Variants in ARMC8 observed in about 807,000 individuals in gnomAD.
ARMC8 encodes armadillo repeat-containing protein 8.
Under a neutral mutation model 99.3 loss-of-function variants are expected in ARMC8, and 20 were observed. That is an observed-to-expected ratio of 0.20 (90% CI 0.14 to 0.29). The LOEUF is 0.29. ARMC8 is among the 10% of genes least tolerant of loss of function. ARMC8 has a pLI of 1.00. For missense variants in ARMC8, 569 were observed against 809.5 expected (o/e 0.70, Z 3.60); for synonymous variants, 263 against 278.3 (o/e 0.95, Z 0.55).
chr3:138,220,146 G>A (rs2045312801), intron 2 of ARMC8, among the ~76,000 whole-genome samples: 1 of 152,162 alleles, frequency 6.6e-6, no homozygotes, highest in Non-Finnish European at 1.5e-5. Context: ...AAGCTGGTAG[G>A]TTAAGGTCCA....
At chr3:138,188,499 C>G (rs910507289) in intron 1 of ARMC8, 2 of 1,613,542 alleles carry the variant, frequency 1.2e-6, no homozygotes, top group Admixed American at 1.7e-5. Context: ...AAGGATTTTG[C>G]AACAAATTCG....
At chr3:138,264,568 C>T (rs952995643) in intron 14 of ARMC8, among the ~76,000 whole-genome samples, 1 of 151,580 alleles carries the variant, frequency 6.6e-6, no homozygotes, top group African/African-American at 2.4e-5. Context: ...TACAGGTGCG[C>T]ACCACCACGC....
intron 1 of ARMC8, among the ~76,000 whole-genome samples, chr3:138,199,612 A>G (rs1304583626): frequency 1.3e-5 from 2 of 152,234 alleles, no homozygotes; most frequent in Non-Finnish European, 2.9e-5. Flanking sequence ...TTCAGGCAGC[A>G]GTTAGGCAGT....
At chr3:138,213,080 G>A (rs774021419) in intron 2 of ARMC8, among the ~76,000 whole-genome samples, 2 of 152,190 alleles carry the variant, frequency 1.3e-5, no homozygotes, top group Non-Finnish European at 2.9e-5. Flanking sequence ...TCCTGCCTGG[G>A]CAACACAGTG....
intron 14 of ARMC8, among the ~76,000 whole-genome samples, chr3:138,264,665 G>A (rs530517484): frequency 3.2e-4 from 49 of 151,588 alleles, no homozygotes; most frequent in Non-Finnish European, 6.5e-4. Flanking sequence ...TGATCTGCCC[G>A]CCTCGGCCCT....
intron 1 of ARMC8, 188 bp downstream of exon 1, chr3:138,187,787 A>G: frequency 1.6e-6 from 1 of 623,090 alleles, no homozygotes; most frequent in Non-Finnish European, 2.7e-6. Context: ...CGGCCGAGCC[A>G]AAGACGTTTC....
Position 138,192,876 on chromosome 3 carries a change from T to C in ARMC8, c.45+5277T>C, listed in dbSNP as rs147068208. ...TTTGCCATCCATGTTTTCTCTTTGG[T>C]GAAATATTTCTTCATGTCCTTTTGC... is the stretch of plus-strand genomic sequence containing the variant. On this transcript the variant is annotated intron_variant, in intron 1 of 21. Coordinates refer to ENST00000469044, the MANE Select transcript of ARMC8 (RefSeq NM_001363941.2). Among the ~76,000 whole-genome samples the C allele has an allele frequency of 3.5e-4, 54 of 152,264 alleles. No individual in the cohort carries two copies. In the East Asian group the frequency reaches 9.9e-3, roughly 28 times the overall value.
At chr3:138,193,044 C>T (rs1242359608) in intron 1 of ARMC8, among the ~76,000 whole-genome samples, 5 of 152,188 alleles carry the variant, frequency 3.3e-5, no homozygotes, top group African/African-American at 1.2e-4. Flanking sequence ...TCTCAACTTA[C>T]TGCAGCCTCT....
At chr3:138,287,446 C>G (rs1183338937) in intron 19 of ARMC8, among the ~76,000 whole-genome samples, 2 of 152,034 alleles carry the variant, frequency 1.3e-5, no homozygotes, top group African/African-American at 2.4e-5. Context: ...AAGTTCCCAC[C>G]CCTCCACCCT....
intron 6 of ARMC8, among the ~76,000 whole-genome samples, chr3:138,233,510 G>A (rs1046087437): frequency 2.6e-5 from 4 of 152,162 alleles, no homozygotes; most frequent in African/African-American, 9.7e-5. Context: ...GTACTGTATT[G>A]TGATTAAAAA....
intron 12 of ARMC8, among the ~76,000 whole-genome samples, chr3:138,259,159 G>A (rs1309287309): frequency 6.6e-6 from 1 of 152,164 alleles, no homozygotes; most frequent in Non-Finnish European, 1.5e-5. Flanking sequence ...TCGTTAAAAG[G>A]CACCACGGAG....
intron 1 of ARMC8, among the ~76,000 whole-genome samples, chr3:138,207,960 A>G (rs561543681): frequency 7.9e-4 from 121 of 152,300 alleles, no homozygotes; most frequent in African/African-American, 2.7e-3. Flanking sequence ...AATGAAGTAC[A>G]TGCTAAAAGC....
At chr3:138,228,064 C>A (rs939516738) in intron 5 of ARMC8, among the ~76,000 whole-genome samples, 27 of 152,206 alleles carry the variant, frequency 1.8e-4, no homozygotes, top group African/African-American at 6.5e-4. Flanking sequence ...ACTGCAACCT[C>A]CGCCTCTCCG....
intron 12 of ARMC8, chr3:138,262,462 CTCT>C (rs1427062769): frequency 5.3e-6 from 8 of 1,498,766 alleles, no homozygotes; most frequent in Non-Finnish European, 7.3e-6. Context: ...ATATTTTCTT[CTCT>C]TCTTGTTTGG....
chr3:138,208,125 G>A (rs952643544), intron 1 of ARMC8, among the ~76,000 whole-genome samples: 5 of 151,342 alleles, frequency 3.3e-5, no homozygotes, highest in Non-Finnish European at 5.9e-5. Flanking sequence ...TTTTAAAGGA[G>A]GTATTTGAGT....
intron 14 of ARMC8, among the ~76,000 whole-genome samples, chr3:138,264,894 A>ATT (rs771921655): frequency 1.5e-4 from 21 of 140,144 alleles, no homozygotes; most frequent in African/African-American, 2.3e-4. Context: ...CAATCCCTGG[A>ATT]TTTTTTTTTT....
intron 1 of ARMC8, 34 bp downstream of exon 1, chr3:138,187,633 C>G: frequency 6.5e-7 from 1 of 1,534,658 alleles, no homozygotes; most frequent in Non-Finnish European, 8.7e-7. Context: ...CGCCCGCCCT[C>G]CAGGAAGCCT....
At chr3:138,200,489 G>A (rs181773751) in intron 1 of ARMC8, among the ~76,000 whole-genome samples, 2 of 152,220 alleles carry the variant, frequency 1.3e-5, no homozygotes, top group East Asian at 3.9e-4. Context: ...TTATACTCTA[G>A]GTTTTTTGCC....
At position 138,237,155 on chromosome 3, in the gene ARMC8, C is replaced by T. The variant is rs1438237424; in HGVS notation, c.610-154C>T. 7 of 640,772 alleles carry T rather than the reference C, an allele frequency of 1.1e-5. No individual in the cohort carries two copies. In the East Asian group the frequency reaches 2.0e-4, roughly 18 times the overall value. The allele number at this position is 640,772 out of a possible 1,614,324, so 39.7% of individuals were successfully genotyped here. ...ATAGTTAATTTTAACTTACTGTACT[C>T]TGCAGCTGTACAGGTGTTATTGTTA... On this transcript the variant is annotated intron_variant, in intron 7 of 21. Coordinates refer to ENST00000469044, the MANE Select transcript of ARMC8 (RefSeq NM_001363941.2).
Sources: gnomAD v4.1 joint callset for allele counts (sites outside exome capture counted in the v4.1 genomes callset) on GRCh38, gnomAD v4.1.1 for gene constraint, MANE v1.5 for transcripts, NCBI Gene and HGNC (gene_info 2026-07-23, HGNC 2026-07-21) for gene names.